FRMD5: variants seen among roughly 807,000 people sequenced by gnomAD.
The protein encoded by FRMD5 is FERM domain-containing protein 5.
Under a neutral mutation model 69.0 loss-of-function variants are expected in FRMD5, and 20 were observed. That is an observed-to-expected ratio of 0.29 (90% confidence interval 0.20 to 0.42). FRMD5 has a LOEUF of 0.42. Ranked by LOEUF, FRMD5 falls within the 10% of genes least tolerant of loss-of-function variation. The pLI, the probability that FRMD5 is intolerant of heterozygous loss-of-function variation, is 1.00. For synonymous variants in FRMD5, 271 were observed against 260.1 expected (o/e 1.04, Z -0.40); for missense variants, 595 against 708.6 (o/e 0.84, Z 1.82).
chr15:43,969,686 A>G (rs1228183497), intron 1 of FRMD5, among the ~76,000 whole-genome samples: 1 of 152,220 alleles, frequency 6.6e-6, no homozygotes, highest in African/African-American at 2.4e-5. Flanking sequence ...TAGCCAATAA[A>G]TAACAGCCCT....
intron 1 of FRMD5, among the ~76,000 whole-genome samples, chr15:44,107,447 C>T (rs1482789520): frequency 1.3e-5 from 2 of 152,182 alleles, no homozygotes; most frequent in African/African-American, 4.8e-5. Context: ...TTTAACAATT[C>T]TATTCCACAC....
chr15:43,938,040 G>A lies in FRMD5; in HGVS notation c.103-13731C>T, dbSNP rs145581557. Among the ~76,000 whole-genome samples, 50 of 151,966 alleles carry A rather than the reference G, an allele frequency of 3.3e-4. 1 individual carries two copies. The highest frequency in any genetic ancestry group is 1.2e-3 in the African/African-American group (49 of 41,428). ...CCCAGCACTTTGGGAGGCCATCCTG[G>A]CTAACACGGTGAAACTCTGTCTCTA... On this transcript the variant is annotated intron_variant, in intron 1 of 13. Coordinates refer to ENST00000417257, the MANE Select transcript of FRMD5 (RefSeq NM_032892.5).
At chr15:43,960,601 C>T (rs959126065) in intron 1 of FRMD5, among the ~76,000 whole-genome samples, 1 of 151,680 alleles carries the variant, frequency 6.6e-6, no homozygotes, top group African/African-American at 2.4e-5. Context: ...TCAGGTTCGT[C>T]TCAAGCTCCC....
At chr15:44,035,637 A>G (rs192607386) in intron 1 of FRMD5, among the ~76,000 whole-genome samples, 1 of 152,310 alleles carries the variant, frequency 6.6e-6, no homozygotes, top group East Asian at 1.9e-4. Flanking sequence ...CTAGGGTAAA[A>G]CAGAAGTAAT....
At chr15:43,953,222 A>T (rs988515586) in intron 1 of FRMD5, among the ~76,000 whole-genome samples, 1 of 152,242 alleles carries the variant, frequency 6.6e-6, no homozygotes, top group Non-Finnish European at 1.5e-5. Flanking sequence ...GTATCTGCTA[A>T]AGAGTTCTCA....
intron 1 of FRMD5, among the ~76,000 whole-genome samples, chr15:44,101,158 AAC>A (rs796574496): frequency 0.033 from 4,844 of 146,376 alleles, 272 homozygotes; most frequent in African/African-American, 0.11. Flanking sequence ...CAAAAAAAAA[AAC>A]AACAAACAAA....
chr15:44,075,735 C>CA (rs1471731404), intron 1 of FRMD5, among the ~76,000 whole-genome samples: 3 of 152,022 alleles, frequency 2.0e-5, no homozygotes, highest in Non-Finnish European at 2.9e-5. Flanking sequence ...AACTAAAAAC[C>CA]AAAAAACTAT....
intron 1 of FRMD5, among the ~76,000 whole-genome samples, chr15:44,073,916 A>G (rs1392014514): frequency 6.6e-6 from 1 of 152,250 alleles, no homozygotes; most frequent in Non-Finnish European, 1.5e-5. Flanking sequence ...GATATAATAC[A>G]GTATTTGTTA....
intron 1 of FRMD5, among the ~76,000 whole-genome samples, chr15:44,171,628 G>A (rs1056681234): frequency 3.9e-5 from 6 of 152,232 alleles, no homozygotes; most frequent in African/African-American, 1.2e-4. Flanking sequence ...TTTCCAATGA[G>A]GTTGGGAATT....
chr15:44,022,957 C>A (rs1891276767), intron 1 of FRMD5, among the ~76,000 whole-genome samples: 1 of 152,104 alleles, frequency 6.6e-6, no homozygotes, highest in South Asian at 2.1e-4. Flanking sequence ...AAAAATGACC[C>A]TGGAGGTTAA....
chr15:43,915,661 T>A (rs1489938968), intron 4 of FRMD5, among the ~76,000 whole-genome samples: 1 of 152,170 alleles, frequency 6.6e-6, no homozygotes, highest in Non-Finnish European at 1.5e-5. Context: ...GTTTATTACT[T>A]TAAAAATGAC....
intron 1 of FRMD5, among the ~76,000 whole-genome samples, chr15:43,948,625 A>C (rs1026430223): frequency 6.6e-6 from 1 of 152,218 alleles, no homozygotes; most frequent in African/African-American, 2.4e-5. Flanking sequence ...ATTTTTTTCC[A>C]AAGTATGTAT....
intron 1 of FRMD5, among the ~76,000 whole-genome samples, chr15:43,961,594 A>G (rs2090202175): frequency 6.6e-6 from 1 of 152,216 alleles, no homozygotes; most frequent in Admixed American, 6.5e-5. Context: ...TGGCGGAGAC[A>G]CAACAAAAAA....
intron 1 of FRMD5, among the ~76,000 whole-genome samples, chr15:43,969,678 G>T (rs1228949832): frequency 6.6e-6 from 1 of 152,110 alleles, no homozygotes; most frequent in East Asian, 1.9e-4. Context: ...AAACATCTTA[G>T]CCAATAAATA....
intron 1 of FRMD5, among the ~76,000 whole-genome samples, chr15:43,975,578 C>G (rs1566874053): frequency 6.6e-6 from 1 of 152,142 alleles, no homozygotes. Flanking sequence ...ATTTAAAACT[C>G]TAACAACTCA....
At chr15:44,115,502 T>C (rs1279771106) in intron 1 of FRMD5, among the ~76,000 whole-genome samples, 1 of 152,162 alleles carries the variant, frequency 6.6e-6, no homozygotes, top group African/African-American at 2.4e-5. Context: ...TTTAATAACA[T>C]TTTGAGTCAA....
intron 1 of FRMD5, among the ~76,000 whole-genome samples, chr15:44,058,258 T>C (rs1377255892): frequency 6.6e-6 from 1 of 152,066 alleles, no homozygotes; most frequent in Non-Finnish European, 1.5e-5. Flanking sequence ...CCACACATGG[T>C]AGGTATAATT....
intron 1 of FRMD5, among the ~76,000 whole-genome samples, chr15:43,931,230 T>C (rs563356083): frequency 6.6e-6 from 1 of 152,330 alleles, no homozygotes; most frequent in East Asian, 1.9e-4. Context: ...TGAATAAATT[T>C]TAGTTGTATT....
chr15:44,018,318 G>A (rs916500191), intron 1 of FRMD5, among the ~76,000 whole-genome samples: 1 of 152,148 alleles, frequency 6.6e-6, no homozygotes, highest in Non-Finnish European at 1.5e-5. Flanking sequence ...CAATCTGTTT[G>A]TTTCATGCCT....
Sources: allele counts gnomAD v4.1 joint callset (sites outside exome capture counted in the v4.1 genomes callset), GRCh38; gene constraint gnomAD v4.1.1; transcripts MANE v1.5; gene names NCBI Gene and HGNC (gene_info 2026-07-23, HGNC 2026-07-21).